RRAS2: variants seen among roughly 807,000 people sequenced by gnomAD.
RRAS2 encodes the protein ras-related protein R-Ras2.
In RRAS2, 7 loss-of-function variants were observed where a neutral mutation model predicts 27.6. The observed-to-expected ratio is 0.25, with a 90% CI of 0.14 to 0.48. The LOEUF (loss-of-function observed/expected upper bound fraction) is 0.48. Among genes scored for constraint, RRAS2 ranks in the 20% least tolerant of loss-of-function variants. The pLI, the probability that RRAS2 is intolerant of heterozygous loss-of-function variation, is 0.99. For missense variants in RRAS2, 178 were observed against 256.2 expected, an observed-to-expected ratio of 0.69 and a Z score of 2.08; for synonymous variants, 86 against 90.9, an observed-to-expected ratio of 0.95 and a Z score of 0.31.
At chr11:14,285,461 C>T (rs568628652) in intron 4 of RRAS2, among the ~76,000 whole-genome samples, 28 of 152,218 alleles carry the variant, frequency 1.8e-4, no homozygotes, top group African/African-American at 6.0e-4. Context: ...CTTCATAATG[C>T]GTTTATTTTT....
intron 1 of RRAS2, among the ~76,000 whole-genome samples, chr11:14,351,788 G>T (rs377333278): frequency 1.3e-5 from 2 of 151,334 alleles, no homozygotes; most frequent in East Asian, 3.9e-4. Context: ...TCAGCTACTC[G>T]GGAGGCTGAG....
chr11:14,302,108 A>ACACACACACACC (rs1411825760), intron 1 of RRAS2, among the ~76,000 whole-genome samples: 1 of 149,122 alleles, frequency 6.7e-6, no homozygotes, highest in Non-Finnish European at 1.5e-5. Context: ...ACACACACAC[A>ACACACACACACC]CACCAAAAAC....
intron 1 of RRAS2, among the ~76,000 whole-genome samples, chr11:14,321,525 T>A (rs1215096147): frequency 1.3e-5 from 2 of 152,082 alleles, no homozygotes; most frequent in Non-Finnish European, 1.5e-5. Flanking sequence ...CAAGTGGGAG[T>A]GGGGAGAGCA....
intron 5 of RRAS2, among the ~76,000 whole-genome samples, chr11:14,280,621 G>GGAGGCT (rs1369917727): frequency 3.4e-5 from 5 of 148,514 alleles, no homozygotes; most frequent in African/African-American, 9.9e-5. Flanking sequence ...CAGCTATTCA[G>GGAGGCT]GAGGCTGAGG....
At chr11:14,305,780 C>G (rs1591457980) in intron 1 of RRAS2, among the ~76,000 whole-genome samples, 2 of 152,162 alleles carry the variant, frequency 1.3e-5, no homozygotes, top group African/African-American at 4.8e-5. Flanking sequence ...CGCGATGGCT[C>G]ACACCTGTAA....
chr11:14,355,630 AAGTT>A (rs1318725927), intron 1 of RRAS2, among the ~76,000 whole-genome samples: 1 of 152,204 alleles, frequency 6.6e-6, no homozygotes, highest in South Asian at 2.1e-4. Flanking sequence ...AAGTCAAAGA[AAGTT>A]AGGGTAAAAG....
Position 14,342,813 on chromosome 11 carries a change from CAT to C in RRAS2, c.108+15948_108+15949del, listed in dbSNP as rs1848744762. The stretch of plus-strand genomic sequence containing the variant: ...TCAATGTTAATCACTTAACTTGTCT[CAT>C]ATACATATTTCACAACTGCAACTTT... On this transcript the variant is annotated intron_variant, in intron 1 of 5. Transcript: ENST00000256196. 2.6e-5 allele frequency among the ~76,000 whole-genome samples: 4 copies of C among 152,124 alleles called. No individual in the cohort carries two copies. The South Asian group carries it at 8.3e-4, about 31-fold the overall frequency.
intron 4 of RRAS2, among the ~76,000 whole-genome samples, chr11:14,293,579 G>A (rs1438335202): frequency 3.3e-5 from 5 of 152,042 alleles, no homozygotes; most frequent in Admixed American, 2.0e-4. Flanking sequence ...TGTTCTCGGA[G>A]ATCTGATGGT....
Position 14,295,867 on chromosome 11 carries a change from G to GA in RRAS2, c.109-13dup, listed in dbSNP as rs782300279. 4.7e-5 allele frequency: 75 copies of GA among 1,609,862 alleles called. No homozygotes were observed. Among genetic ancestry groups the GA allele is most frequent in the Non-Finnish European group, 5.5e-5 (65 of 1,178,120 alleles). On this transcript the variant is annotated splice_polypyrimidine_tract_variant and intron_variant, in intron 1 of 5. Coordinates refer to ENST00000256196, the MANE Select transcript of RRAS2 (RefSeq NM_012250.6). ...GTTACAAAATAGGACTGCAAGAAAA[G>GA]AAAAAACTTTATTTTAAAATTCATG...
chr11:14,341,141 C>T (rs1848696269), intron 1 of RRAS2, among the ~76,000 whole-genome samples: 1 of 152,180 alleles, frequency 6.6e-6, no homozygotes, highest in Non-Finnish European at 1.5e-5. Flanking sequence ...GAAAATTCAA[C>T]ACTTGATGAA....
intron 1 of RRAS2, among the ~76,000 whole-genome samples, chr11:14,330,262 A>G (rs1328044001): frequency 1.3e-5 from 2 of 152,244 alleles, no homozygotes; most frequent in East Asian, 3.8e-4. Context: ...ATTCATTGGT[A>G]GTCCTGATAA....
rs117502840 is a variant in RRAS2, at chr11:14,336,374, A to G, written c.108+22389T>C. On this transcript the variant is annotated intron_variant, in intron 1 of 5. Coordinates refer to ENST00000256196, the MANE Select transcript of RRAS2 (RefSeq NM_012250.6). Reference sequence around the variant, plus strand: ...AACCCAAGGAACAGGAAGATCCCAAACCAAATGACAAAAAGACAATCGACA... The same window carrying G: ...AACCCAAGGAACAGGAAGATCCCAAGCCAAATGACAAAAAGACAATCGACA... Among the ~76,000 whole-genome samples, 248 of 152,332 alleles carry G rather than the reference A, an allele frequency of 1.6e-3. 5 individuals carry two copies. In the East Asian group the frequency reaches 0.035, roughly 21 times the overall value.
At chr11:14,311,758 A>T (rs1554948893) in intron 1 of RRAS2, among the ~76,000 whole-genome samples, 1 of 152,226 alleles carries the variant, frequency 6.6e-6, no homozygotes, top group African/African-American at 2.4e-5. Context: ...TGCTTGTTTC[A>T]CAAGAACATA....
At chr11:14,303,942 A>G (rs1847771802) in intron 1 of RRAS2, among the ~76,000 whole-genome samples, 2 of 151,656 alleles carry the variant, frequency 1.3e-5, no homozygotes, top group Admixed American at 6.6e-5. Flanking sequence ...GCCATTTACA[A>G]CTCCAACCCT....
intron 1 of RRAS2, among the ~76,000 whole-genome samples, chr11:14,330,365 A>G (rs1370317731): frequency 6.6e-6 from 1 of 152,172 alleles, no homozygotes; most frequent in Non-Finnish European, 1.5e-5. Flanking sequence ...TTTAAAAATT[A>G]GCCGGGCATG....
intron 1 of RRAS2, among the ~76,000 whole-genome samples, chr11:14,309,167 T>C (rs1554948522): frequency 1.3e-5 from 2 of 152,204 alleles, no homozygotes; most frequent in African/African-American, 4.8e-5. Flanking sequence ...CTCTCCCCTC[T>C]ATCCCGTTAC....
At chr11:14,290,126 C>T (rs34166577) in intron 4 of RRAS2, among the ~76,000 whole-genome samples, 2,320 of 152,250 alleles carry the variant, frequency 0.015, 20 homozygotes, top group Non-Finnish European at 0.025. Flanking sequence ...ACATTATAGA[C>T]GGACACCTTT....
At chr11:14,304,077 C>T (rs893978384) in intron 1 of RRAS2, among the ~76,000 whole-genome samples, 10 of 152,206 alleles carry the variant, frequency 6.6e-5, no homozygotes, top group Non-Finnish European at 1.0e-4. Context: ...GAAACACTAA[C>T]GTCTTTCTAA....
intron 1 of RRAS2, among the ~76,000 whole-genome samples, chr11:14,343,694 C>T (rs1232796505): frequency 6.6e-6 from 1 of 151,338 alleles, no homozygotes; most frequent in Non-Finnish European, 1.5e-5. Context: ...ATTAGCGGGG[C>T]ATGATGGTGC....
Sources: gnomAD v4.1 joint callset for allele counts (sites outside exome capture counted in the v4.1 genomes callset) on GRCh38, gnomAD v4.1.1 for gene constraint, MANE v1.5 for transcripts, NCBI Gene and HGNC (gene_info 2026-07-23, HGNC 2026-07-21) for gene names.